Variants in FSTL5 observed in about 807,000 individuals in gnomAD.
FSTL5 encodes follistatin like 5, also known as follistatin-related protein 5.
FSTL5 carries 62 observed loss-of-function variants against 89.1 expected under a neutral mutation model. The observed-to-expected ratio is 0.70, with a 90% CI of 0.57 to 0.86. The LOEUF (loss-of-function observed/expected upper bound fraction) is 0.86, where lower values mean the gene tolerates loss of function less well. Ranked by LOEUF, FSTL5 falls within the 40% of genes least tolerant of loss-of-function variation. The pLI is 0.00. For synonymous variants in FSTL5, 383 were observed against 346.2 expected (o/e 1.11, Z -1.18); for missense variants, 1,057 against 1,001.6 (o/e 1.06, Z -0.75).
chr4:161,657,591 C>CTCCT (rs2126683323), intron 6 of FSTL5, among the ~76,000 whole-genome samples: 1 of 152,182 alleles, frequency 6.6e-6, no homozygotes, highest in East Asian at 1.9e-4. Flanking sequence ...AGAAAGCCCC[C>CTCCT]TCCCTCCCTC....
chr4:161,944,514 A>G (rs1339529312), intron 3 of FSTL5, among the ~76,000 whole-genome samples: 1 of 152,050 alleles, frequency 6.6e-6, no homozygotes, highest in African/African-American at 2.4e-5. Context: ...GACATAAACA[A>G]TATACTATAT....
At chr4:161,938,130 C>A (rs79983181) in intron 3 of FSTL5, among the ~76,000 whole-genome samples, 8,274 of 152,104 alleles carry the variant, frequency 0.054, 284 homozygotes, top group Non-Finnish European at 0.08. Context: ...TTTTGTAGAA[C>A]TCTGTGTTTT....
At chr4:161,470,205 T>C (rs1309061815) in intron 13 of FSTL5, among the ~76,000 whole-genome samples, 1 of 152,192 alleles carries the variant, frequency 6.6e-6, no homozygotes, top group Admixed American at 6.5e-5. Flanking sequence ...TTTTGCTCTT[T>C]CGTCTAACAG....
chr4:161,589,154 A>G (rs1335500561), intron 7 of FSTL5, among the ~76,000 whole-genome samples: 1 of 135,746 alleles, frequency 7.4e-6, no homozygotes, highest in Non-Finnish European at 1.6e-5. Context: ...ACACCCAGTT[A>G]ATTGTTGGTT....
At chr4:161,992,946 GTATATC>G (rs1301247354) in intron 3 of FSTL5, among the ~76,000 whole-genome samples, 660 of 6,752 alleles carry the variant, frequency 0.098, 32 homozygotes, top group African/African-American at 0.17. Flanking sequence ...ATATATGTGT[GTATATC>G]TATATATATA....
At chr4:161,692,546 C>T (rs554959734) in intron 6 of FSTL5, among the ~76,000 whole-genome samples, 248 of 151,974 alleles carry the variant, frequency 1.6e-3, no homozygotes, top group Admixed American at 4.7e-3. Flanking sequence ...AGAATGTGCC[C>T]TAATCTAATC....
chr4:162,123,383 C>A (rs1488689166), intron 1 of FSTL5, among the ~76,000 whole-genome samples: 1 of 151,980 alleles, frequency 6.6e-6, no homozygotes, highest in African/African-American at 2.4e-5. Flanking sequence ...TAATTAAGAC[C>A]CAAGATATTT....
chr4:161,731,542 T>C (rs201014401), intron 6 of FSTL5, among the ~76,000 whole-genome samples: 1 of 151,982 alleles, frequency 6.6e-6, no homozygotes, highest in East Asian at 1.9e-4. Flanking sequence ...ACCTTTACTA[T>C]GATTGTAAGT....
chr4:161,645,089 G>T (rs1286113019), intron 7 of FSTL5, among the ~76,000 whole-genome samples: 1 of 151,968 alleles, frequency 6.6e-6, no homozygotes, highest in Non-Finnish European at 1.5e-5. Context: ...AGACTCAAAA[G>T]GCAAATTGCA....
At chr4:161,633,417 G>A (rs1174180807) in intron 7 of FSTL5, among the ~76,000 whole-genome samples, 1 of 151,594 alleles carries the variant, frequency 6.6e-6, no homozygotes, top group Non-Finnish European at 1.5e-5. Flanking sequence ...CGCGATCGCG[G>A]CTCACTGCAA....
chr4:162,161,033 A>T (rs1160046737), intron 1 of FSTL5, among the ~76,000 whole-genome samples: 1 of 151,970 alleles, frequency 6.6e-6, no homozygotes, highest in African/African-American at 2.4e-5. Flanking sequence ...TTAAAAAGAC[A>T]AATTGAGCAC....
intron 4 of FSTL5, among the ~76,000 whole-genome samples, chr4:161,792,288 C>G (rs1579096350): frequency 6.6e-6 from 1 of 152,096 alleles, no homozygotes; most frequent in Non-Finnish European, 1.5e-5. Context: ...GGGGAAGAGG[C>G]TGGGAGGGAT....
At chr4:161,929,856 G>A (rs1380339972) in intron 3 of FSTL5, among the ~76,000 whole-genome samples, 2 of 151,556 alleles carry the variant, frequency 1.3e-5, no homozygotes, top group African/African-American at 2.4e-5. Flanking sequence ...ATCCAGTAAG[G>A]AAAAAGTGAA....
At chr4:161,966,967 A>G (rs1165377102) in intron 3 of FSTL5, among the ~76,000 whole-genome samples, 1 of 152,002 alleles carries the variant, frequency 6.6e-6, no homozygotes, top group Non-Finnish European at 1.5e-5. Flanking sequence ...TCAATCTTTT[A>G]CAGTGAACAT....
chr4:161,512,468 T>C (rs1210381964), intron 10 of FSTL5, among the ~76,000 whole-genome samples: 2 of 152,044 alleles, frequency 1.3e-5, no homozygotes, highest in Non-Finnish European at 2.9e-5. Context: ...GGATTAGACA[T>C]TGTTAAACAG....
chr4:162,134,837 T>C (rs1222158470), intron 1 of FSTL5, among the ~76,000 whole-genome samples: 1 of 152,220 alleles, frequency 6.6e-6, no homozygotes, highest in Non-Finnish European at 1.5e-5. Context: ...CACAGGAAAC[T>C]TATACAGTCA....
intron 13 of FSTL5, among the ~76,000 whole-genome samples, chr4:161,476,918 C>T (rs932323093): frequency 2.0e-5 from 3 of 152,146 alleles, no homozygotes; most frequent in African/African-American, 7.2e-5. Flanking sequence ...CTTACCCTGG[C>T]TCCTGCATTC....
intron 15 of FSTL5, among the ~76,000 whole-genome samples, chr4:161,437,568 A>AG (rs1732610131): frequency 9.4e-6 from 1 of 106,168 alleles, no homozygotes; most frequent in African/African-American, 2.9e-5. Context: ...TCCGTCTCAA[A>AG]AAAAAAAAAA....
intron 4 of FSTL5, among the ~76,000 whole-genome samples, chr4:161,897,418 A>G (rs996699460): frequency 6.6e-6 from 1 of 151,518 alleles, no homozygotes; most frequent in African/African-American, 2.4e-5. Flanking sequence ...TTTGCTTGAT[A>G]AAATTTAATT....
Sources: allele counts gnomAD v4.1 joint callset (sites outside exome capture counted in the v4.1 genomes callset), GRCh38; gene constraint gnomAD v4.1.1; transcripts MANE v1.5; gene names NCBI Gene and HGNC (gene_info 2026-07-23, HGNC 2026-07-21).